The following PLA2G4F variants were observed in gnomAD, a reference collection of about 807,000 sequenced individuals.
PLA2G4F encodes the protein cytosolic phospholipase A2 zeta.
In PLA2G4F, 105 loss-of-function variants were observed where a neutral mutation model predicts 103.1. The ratio of observed to expected loss-of-function variants is 1.02; its 90% CI spans 0.87 to 1.20. PLA2G4F has a LOEUF of 1.20. Among genes scored for constraint, PLA2G4F ranks in the 50% most tolerant of loss-of-function variants. The pLI is 0.00. For missense variants in PLA2G4F, 1,155 were observed against 1,075.9 expected (o/e 1.07, Z -1.03); for synonymous variants, 468 against 441.1 (o/e 1.06, Z -0.76).
At position 42,147,758 on chromosome 15, in the gene PLA2G4F, G is replaced by GTT; in HGVS notation, c.1063_1064insAA (p.Pro355GlnfsTer3). 1 of 1,613,918 alleles carries GTT rather than the reference G, an allele frequency of 6.2e-7. No individual in the cohort carries two copies. The highest frequency in any genetic ancestry group is 1.3e-5 in the African/African-American group (1 of 75,042). On this transcript the variant is annotated frameshift_variant, in exon 12 of 20. Coordinates refer to ENST00000397272, the MANE Select transcript of PLA2G4F (RefSeq NM_213600.4). LOFTEE classifies it high-confidence loss of function. ...CCCGGAACCCAACACAGCCACTACA[G>GTT]GCACCTGGGTACAATAATAACAAGG...
Position 42,143,122 on chromosome 15 carries a change from C to T in PLA2G4F, c.2143-408G>A, listed in dbSNP as rs183077201. On this transcript the variant is annotated intron_variant, in intron 18 of 19. Coordinates refer to ENST00000397272, the MANE Select transcript of PLA2G4F (RefSeq NM_213600.4). ...TGAACCTAGGAGGCAGAGGTTGCAG[C>T]GAGCCAAGATTGCACCACTGCACTC... Among the ~76,000 whole-genome samples, 22 of 137,322 alleles carry T rather than the reference C, an allele frequency of 1.6e-4. No homozygotes were observed. The East Asian group carries it at 3.6e-3, about 23-fold the overall frequency. 90.1% of individuals were successfully genotyped at this position (137,322 alleles called of 152,430 possible).
rs1468190018 is a variant in PLA2G4F at position 42,153,472 on chromosome 15, C to T, written c.492-130G>A. On this transcript the variant is annotated intron_variant, in intron 5 of 19. Coordinates refer to ENST00000397272, the MANE Select transcript of PLA2G4F (RefSeq NM_213600.4). Reference sequence around the variant, plus strand: ...AGGGTTTGGAGTGGGGCGAGCCTGCCGCCCAACATGCAGATGGGTGTCAAG... The same window carrying T: ...AGGGTTTGGAGTGGGGCGAGCCTGCTGCCCAACATGCAGATGGGTGTCAAG... 1.8e-5 allele frequency: 27 copies of T among 1,467,824 alleles called. No homozygotes were observed. In the East Asian group the frequency reaches 3.4e-4, roughly 19 times the overall value. The allele number at this position is 1,467,824 out of a possible 1,614,324, so 90.9% of individuals were successfully genotyped here. A position where few individuals can be genotyped will look rare whatever the true frequency, so the allele number is the denominator to read the frequency against.
intron 10 of PLA2G4F, 32 bp from the exon 11 acceptor site, chr15:42,149,880 G>C: frequency 6.2e-7 from 1 of 1,608,688 alleles, no homozygotes; most frequent in Non-Finnish European, 8.5e-7. Context: ...GGCGGTGGGG[G>C]GTTCTGGGTG....
Position 42,145,660 on chromosome 15 carries a change from G to A in PLA2G4F, c.1695C>T (p.Ala565=), listed in dbSNP as rs141527737. The A allele has an allele frequency of 8.7e-6, 14 of 1,613,994 alleles. No homozygotes were observed. The highest frequency in any genetic ancestry group is 8.5e-7 in the Non-Finnish European group (1 of 1,180,018). The change falls in exon 16 of 20, where the codon GCC becomes GCT. Residue 565 remains alanine, a synonymous_variant. Transcript: ENST00000397272. ...TTAGGAAGATCTCATCCAGGCTGGT[G>A]GCAAAGGCGCTGCCCCACATACCTA... The part of the protein sequence containing the change: ...YLQGMWGSAF[A]TSLDEIFLKT...
At chr15:42,142,311 G>A (rs750714953) in intron 19 of PLA2G4F, 107 bp from the exon 20 acceptor site, 27 of 1,199,534 alleles carry the variant, frequency 2.3e-5, no homozygotes, top group African/African-American at 6.2e-5. Context: ...GGCTCCCTGC[G>A]GGCCCTGCTT....
At chr15:42,152,110 C>T (rs2048967080) in intron 7 of PLA2G4F, among the ~76,000 whole-genome samples, 2 of 152,214 alleles carry the variant, frequency 1.3e-5, no homozygotes, top group Non-Finnish European at 2.9e-5. Flanking sequence ...GTTTGACAAC[C>T]CCAGTTCTTC....
intron 2 of PLA2G4F, among the ~76,000 whole-genome samples, chr15:42,155,278 T>C (rs1044797101): frequency 6.6e-6 from 1 of 151,700 alleles, no homozygotes; most frequent in African/African-American, 2.4e-5. Flanking sequence ...CACTCACATG[T>C]TTACACCACA....
At chr15:42,147,076 G>C (rs1223185165) in intron 13 of PLA2G4F, 48 bp downstream of exon 13, 2 of 1,537,930 alleles carry the variant, frequency 1.3e-6, no homozygotes, top group South Asian at 2.3e-5. Context: ...GGGGCGGGTG[G>C]AAGGAGTGGA....
intron 4 of PLA2G4F, among the ~76,000 whole-genome samples, 200 bp downstream of exon 4, chr15:42,153,892 A>G (rs192533413): frequency 5.2e-5 from 8 of 152,388 alleles, no homozygotes; most frequent in Admixed American, 4.6e-4. Context: ...GAGGGAACAC[A>G]CAGCCCTCAA....
In PLA2G4F at chr15:42,139,399, C is replaced by G. The variant is rs894476573; in HGVS notation, c.*2585G>C. On this transcript the variant is annotated 3_prime_UTR_variant, in exon 20 of 20. Transcript: ENST00000397272. ...CCTGCTCCTTTCCCTATAGCTTCTC[C>G]CACCACTCTGACCAATCTCCTACAC... The G allele has an allele frequency of 7.2e-5, 11 of 152,312 alleles. No individual in the cohort carries two copies. In the East Asian group the frequency reaches 2.1e-3, roughly 29 times the overall value. The allele number at this position is 152,312 out of a possible 1,614,324, so 9.4% of individuals were successfully genotyped here.
At position 42,146,114 on chromosome 15, in the gene PLA2G4F, C is replaced by T. The variant is rs780556501; in HGVS notation, c.1534+13G>A. ...CTCCTCTACCTCCTTCCTTCGTCTC[C>T]ACACCCAGGCACCTGCAAAATCTTC... On this transcript the variant is annotated intron_variant, in intron 14 of 19. Coordinates refer to ENST00000397272, the MANE Select transcript of PLA2G4F (RefSeq NM_213600.4). 2 of 1,613,082 alleles carry T rather than the reference C, an allele frequency of 1.2e-6. No homozygotes were observed. The highest frequency in any genetic ancestry group is 1.1e-5 in the South Asian group (1 of 91,064).
chr15:42,146,178 T>A lies in PLA2G4F; in HGVS notation c.1483A>T (p.Ile495Phe). 1.2e-6 allele frequency: 2 copies of A among 1,614,196 alleles called. No individual in the cohort carries two copies. The highest frequency in any genetic ancestry group is 2.7e-5 in the African/African-American group (2 of 75,048). ...GTGCGGACGTTGACACTGGTGTAAA[T>A]GGGGTAAGGGTTCTGACCCTGGCGG... ...AVRQGQNPYP[I>F]YTSVNVRTNL... is the part of the protein sequence containing the mutation. Residue 495 changes from isoleucine (I) to phenylalanine (F), a missense_variant, in exon 14 of 20, where the codon ATT becomes TTT. Around this residue, in one of 3 missense-constraint regions of PLA2G4F, gnomAD observed 782 missense variants for 692.9 expected, o/e 1.13. Transcript: ENST00000397272.
Position 42,152,719 on chromosome 15 carries a change from C to T in PLA2G4F, c.570G>A (p.Arg190=), listed in dbSNP as rs1269559281. The change falls in exon 7 of 20, where the codon CGG becomes CGA. Residue 190 remains arginine, a synonymous_variant. Transcript: ENST00000397272. ...HPCLRIQGTL[R]GDGTAPREEY... is the part of the protein sequence containing the mutation. ...CTTCCCGTGGGGCTGTCCCATCTCC[C>T]CGGAGCGTGCCCTGGATTCTCAGAC... 1.3e-6 allele frequency: 2 copies of T among 1,557,798 alleles called. No individual in the cohort carries two copies. Among genetic ancestry groups the T allele is most frequent in the African/African-American group, 1.4e-5 (1 of 73,410 alleles).
chr15:42,144,517 AAAGCTCTGGGCGG>A lies in PLA2G4F; in HGVS notation c.1895_1907del (p.Ser632LeufsTer81). 2 of 1,612,638 alleles carry A rather than the reference AAAGCTCTGGGCGG, an allele frequency of 1.2e-6. No individual in the cohort carries two copies. Among genetic ancestry groups the A allele is most frequent in the Non-Finnish European group, 1.7e-6 (2 of 1,180,020 alleles). ...GCAAGCAGAGACCCCGGGTGAAGTTAAAGCTCTGGGCGGAAGTGAAGCGGGAGGTGAATATGTC... is the reference window on the plus strand; with the variant it reads ...GCAAGCAGAGACCCCGGGTGAAGTTAAAGTGAAGCGGGAGGTGAATATGTC... On this transcript the variant is annotated frameshift_variant, in exon 17 of 20. Transcript: ENST00000397272. LOFTEE classifies it high-confidence loss of function.
intron 13 of PLA2G4F, 65 bp from the exon 14 acceptor site, chr15:42,146,306 G>A (rs2048884729): frequency 1.3e-6 from 2 of 1,483,940 alleles, no homozygotes; most frequent in African/African-American, 2.8e-5. Flanking sequence ...CCCGTGGCCT[G>A]GGGCCGGCAC....
At chr15:42,154,974 C>T (rs1042641761) in intron 2 of PLA2G4F, among the ~76,000 whole-genome samples, 2 of 152,050 alleles carry the variant, frequency 1.3e-5, no homozygotes, top group African/African-American at 4.8e-5. Flanking sequence ...TGCACGCACA[C>T]ATGTGTAGTA....
In PLA2G4F at chr15:42,141,079, C is replaced by T; in HGVS notation, c.*905G>A. 6 of 364,126 alleles carry T rather than the reference C, an allele frequency of 1.6e-5. No individual in the cohort carries two copies. Among genetic ancestry groups the T allele is most frequent in the South Asian group, 1.2e-4 (6 of 49,772 alleles). The allele number at this position is 364,126 out of a possible 1,614,324, so 22.6% of individuals were successfully genotyped here. A position where few individuals can be genotyped will look rare whatever the true frequency, so the allele number is the denominator to read the frequency against. On this transcript the variant is annotated 3_prime_UTR_variant, in exon 20 of 20. Coordinates refer to ENST00000397272, the MANE Select transcript of PLA2G4F (RefSeq NM_213600.4). The stretch of plus-strand genomic sequence containing the variant: ...AAGAGGCAAGAGCCCAGGCGAGGCT[C>T]CCTCTGCACTGCCCATGCCTTGGAG...
chr15:42,142,595 GTCC>G lies in PLA2G4F; in HGVS notation c.2259_2261del (p.Glu753del), dbSNP rs2048836737. On this transcript the variant is annotated inframe_deletion, in exon 19 of 20. Transcript: ENST00000397272. Reference sequence around the variant, plus strand: ...AGTGCAGCACAATGGGGGAGCGGGGGTCCTCAGCCTTGGCAAACAGATAGCACT... The same window carrying G: ...AGTGCAGCACAATGGGGGAGCGGGGGTCAGCCTTGGCAAACAGATAGCACT... 1 of 1,614,104 alleles carries G rather than the reference GTCC, an allele frequency of 6.2e-7. No individual in the cohort carries two copies. Among genetic ancestry groups the G allele is most frequent in the Admixed American group, 1.7e-5 (1 of 60,022 alleles).
At position 42,147,182 on chromosome 15, in the gene PLA2G4F, T is replaced by TG; in HGVS notation, c.1360dup (p.His454ProfsTer14). ...CCAGAGGTCGATGAGGGACACGCTG[T>TG]GGCCACTGCGCTCCCGGACCCCCAG... On this transcript the variant is annotated frameshift_variant, in exon 13 of 20. Coordinates refer to ENST00000397272, the MANE Select transcript of PLA2G4F (RefSeq NM_213600.4). LOFTEE classifies it high-confidence loss of function. 1.2e-6 allele frequency: 2 copies of TG among 1,612,930 alleles called. No individual in the cohort carries two copies. Among genetic ancestry groups the TG allele is most frequent in the Non-Finnish European group, 1.7e-6 (2 of 1,179,948 alleles).
Sources: gnomAD v4.1 joint callset for allele counts (sites outside exome capture counted in the v4.1 genomes callset) on GRCh38, gnomAD v4.1.1 for gene constraint, gnomAD v4.1.1 regional missense constraint, MANE v1.5 for transcripts, NCBI Gene and HGNC (gene_info 2026-07-23, HGNC 2026-07-21) for gene names.